Variants in NTM observed in about 807,000 individuals in gnomAD.
The protein encoded by NTM is IgLON family member 2.
In NTM, 13 loss-of-function variants were observed where a neutral mutation model predicts 42.1. The ratio of observed to expected loss-of-function variants is 0.31; its 90% confidence interval spans 0.20 to 0.49. NTM has a LOEUF of 0.49. Ranked by LOEUF, NTM falls within the 20% of genes least tolerant of loss-of-function variation. The pLI, the probability that NTM is intolerant of heterozygous loss-of-function variation, is 0.99. For synonymous variants in NTM, 187 were observed against 179.2 expected, an observed-to-expected ratio of 1.04 and a Z score of -0.35; for missense variants, 373 against 452.8, an observed-to-expected ratio of 0.82 and a Z score of 1.60.
chr11:131,940,420 T>C (rs1173177138), intron 2 of NTM, among the ~76,000 whole-genome samples: 1 of 152,228 alleles, frequency 6.6e-6, no homozygotes, highest in Non-Finnish European at 1.5e-5. Flanking sequence ...TAAATACATA[T>C]GTATTTTAAA....
chr11:132,161,112 C>G (rs1350635166), intron 3 of NTM, among the ~76,000 whole-genome samples: 1 of 152,048 alleles, frequency 6.6e-6, no homozygotes, highest in East Asian at 1.9e-4. Flanking sequence ...GTGGGATCCC[C>G]CCTTCCTTCT....
chr11:132,030,662 C>T (rs561173997), intron 2 of NTM, among the ~76,000 whole-genome samples: 25 of 152,190 alleles, frequency 1.6e-4, no homozygotes, highest in African/African-American at 3.4e-4. Flanking sequence ...AAGAGGGAAC[C>T]TCATATGCCA....
intron 2 of NTM, among the ~76,000 whole-genome samples, chr11:132,026,921 T>A (rs2135591974): frequency 6.6e-6 from 1 of 152,352 alleles, no homozygotes; most frequent in East Asian, 1.9e-4. Flanking sequence ...CTCATGTTCC[T>A]TCTGTCCTTC....
chr11:132,251,154 G>A (rs2091898544), intron 4 of NTM, among the ~76,000 whole-genome samples: 2 of 152,112 alleles, frequency 1.3e-5, no homozygotes. Flanking sequence ...TCCCACCTTG[G>A]GGATGCAGCT....
chr11:132,222,551 G>T (rs1006885186), intron 4 of NTM, among the ~76,000 whole-genome samples: 1 of 152,116 alleles, frequency 6.6e-6, no homozygotes, highest in Admixed American at 6.5e-5. Flanking sequence ...CCAGAACCAG[G>T]ACAGTTGAAA....
chr11:131,927,476 T>C (rs574920236), intron 2 of NTM, among the ~76,000 whole-genome samples: 5 of 152,304 alleles, frequency 3.3e-5, no homozygotes, highest in African/African-American at 1.2e-4. Context: ...GAAGTGTATA[T>C]ATTTTGTTTG....
intron 1 of NTM, among the ~76,000 whole-genome samples, chr11:131,496,519 C>T (rs1955360557): frequency 6.6e-6 from 1 of 152,236 alleles, no homozygotes; most frequent in African/African-American, 2.4e-5. Context: ...GTAAAGGCCA[C>T]AGGGGCCACA....
At chr11:131,460,724 T>C (rs1470701156) in intron 1 of NTM, among the ~76,000 whole-genome samples, 1 of 152,088 alleles carries the variant, frequency 6.6e-6, no homozygotes, top group East Asian at 1.9e-4. Context: ...GGCTAATTCT[T>C]TGTATTTTTA....
At chr11:131,461,141 G>A (rs546185346) in intron 1 of NTM, among the ~76,000 whole-genome samples, 1 of 152,260 alleles carries the variant, frequency 6.6e-6, no homozygotes, top group Admixed American at 6.5e-5. Context: ...TCTGAGAGAG[G>A]GATTGCCTGT....
intron 3 of NTM, among the ~76,000 whole-genome samples, chr11:132,192,549 A>C (rs916070931): frequency 1.3e-5 from 2 of 152,224 alleles, no homozygotes; most frequent in Non-Finnish European, 2.9e-5. Flanking sequence ...AGTACCTGCC[A>C]TGCTTAAGTA....
chr11:131,808,321 G>C (rs1301940340), intron 1 of NTM, among the ~76,000 whole-genome samples: 5 of 152,130 alleles, frequency 3.3e-5, no homozygotes, highest in African/African-American at 1.2e-4. Context: ...CAGGGGCTGG[G>C]ATTCTCTTTG....
chr11:131,414,539 G>A (rs567375928), intron 1 of NTM, among the ~76,000 whole-genome samples: 8 of 152,254 alleles, frequency 5.3e-5, no homozygotes, highest in Admixed American at 1.3e-4. Flanking sequence ...AGGAGCATTC[G>A]GGAGTGAATG....
intron 4 of NTM, among the ~76,000 whole-genome samples, chr11:132,256,103 C>A (rs537999309): frequency 1.3e-5 from 2 of 152,194 alleles, no homozygotes; most frequent in African/African-American, 4.8e-5. Flanking sequence ...TCTGTCTAGG[C>A]TATGCAGAGG....
In NTM at chr11:131,459,199, G is replaced by A. The variant is rs1000466309; in HGVS notation, c.82+88311G>A. Among the ~76,000 whole-genome samples, 9 of 152,338 alleles carry A rather than the reference G, an allele frequency of 5.9e-5. 1 individual carries two copies. In the South Asian group the frequency reaches 1.4e-3, roughly 25 times the overall value. On this transcript the variant is annotated intron_variant, in intron 1 of 8. Coordinates refer to ENST00000683400, the MANE Select transcript of NTM (RefSeq NM_001352005.2). ...ACAGCTGCCATTCAGGACCTACTGCGTCCAGGGGCCACAGGCCTCTTGCTC... is the reference window on the plus strand; with the variant it reads ...ACAGCTGCCATTCAGGACCTACTGCATCCAGGGGCCACAGGCCTCTTGCTC...
At chr11:131,687,439 C>T (rs2074031358) in intron 1 of NTM, among the ~76,000 whole-genome samples, 1 of 152,212 alleles carries the variant, frequency 6.6e-6, no homozygotes, top group African/African-American at 2.4e-5. Context: ...TGGCCTGGGC[C>T]TTCCAGGGTC....
At chr11:132,010,312 C>T (rs759970378) in intron 2 of NTM, among the ~76,000 whole-genome samples, 27 of 152,136 alleles carry the variant, frequency 1.8e-4, no homozygotes, top group Admixed American at 6.5e-5. Context: ...TTGGTAACTC[C>T]GATGGTGGAG....
intron 1 of NTM, among the ~76,000 whole-genome samples, chr11:131,821,277 T>C (rs1468724677): frequency 6.6e-6 from 1 of 152,200 alleles, no homozygotes; most frequent in Non-Finnish European, 1.5e-5. Context: ...TTGGTAACTT[T>C]GTTTTCCATC....
At chr11:131,471,395 C>T (rs2136179789) in intron 1 of NTM, among the ~76,000 whole-genome samples, 1 of 152,306 alleles carries the variant, frequency 6.6e-6, no homozygotes, top group East Asian at 1.9e-4. Context: ...CATCTCTGCC[C>T]ACTTGGGATC....
At chr11:132,220,535 A>G (rs770310477) in intron 4 of NTM, among the ~76,000 whole-genome samples, 22 of 152,244 alleles carry the variant, frequency 1.4e-4, no homozygotes, top group Non-Finnish European at 2.9e-4. Flanking sequence ...AATGAGTTCA[A>G]TGTGCTGAAT....
Sources: allele counts gnomAD v4.1 joint callset (sites outside exome capture counted in the v4.1 genomes callset), GRCh38; gene constraint gnomAD v4.1.1; transcripts MANE v1.5; gene names NCBI Gene and HGNC (gene_info 2026-07-23, HGNC 2026-07-21).